The following SV2C variants were observed in gnomAD, a reference collection of about 807,000 sequenced individuals.
The protein encoded by SV2C is solute carrier family 22 member B3.
A neutral mutation model predicts 79.7 loss-of-function variants in SV2C; 49 were observed. The ratio of observed to expected loss-of-function variants is 0.61; its 90% CI spans 0.49 to 0.78. The LOEUF (loss-of-function observed/expected upper bound fraction) is 0.78, where lower values mean the gene tolerates loss of function less well. Among genes scored for constraint, SV2C ranks in the 30% least tolerant of loss-of-function variants. The pLI, the probability that SV2C is intolerant of heterozygous loss-of-function variation, is 0.00. For synonymous variants in SV2C, 334 were observed against 333.2 expected, an observed-to-expected ratio of 1.00 and a Z score of -0.03; for missense variants, 833 against 912.9, an observed-to-expected ratio of 0.91 and a Z score of 1.13.
At chr5:75,857,486 T>C in the SV2C span, among the ~76,000 whole-genome samples, 5 of 152,148 alleles carry the variant, frequency 3.3e-5, no homozygotes, top group African/African-American at 1.2e-4. Context: ...TTATATGCAA[T>C]TACCATGTTG....
At chr5:76,140,212 A>G (rs1298144298) in intron 2 of SV2C, among the ~76,000 whole-genome samples, 1 of 152,200 alleles carries the variant, frequency 6.6e-6, no homozygotes, top group African/African-American at 2.4e-5. Flanking sequence ...GAAATATAAT[A>G]GTAATAAAAC....
chr5:76,215,067 C>A (rs528837873), intron 4 of SV2C, among the ~76,000 whole-genome samples: 5 of 152,294 alleles, frequency 3.3e-5, no homozygotes, highest in Non-Finnish European at 5.9e-5. Flanking sequence ...ATAGAAATGA[C>A]AAGAGTCTTC....
intron 4 of SV2C, among the ~76,000 whole-genome samples, chr5:76,245,617 G>A (rs1337914833): frequency 6.6e-6 from 1 of 152,168 alleles, no homozygotes. Context: ...TGGATTCTAA[G>A]GCCGTGGTCC....
intron 6 of SV2C, 88 bp downstream of exon 6, chr5:76,285,958 C>T (rs1386672964): frequency 3.2e-6 from 4 of 1,237,116 alleles, no homozygotes; most frequent in African/African-American, 1.5e-5. Context: ...TTAGACTTTG[C>T]AAGTCATACG....
chr5:76,113,258 T>C (rs916253335), intron 1 of SV2C, among the ~76,000 whole-genome samples: 1 of 152,248 alleles, frequency 6.6e-6, no homozygotes, highest in Admixed American at 6.5e-5. Context: ...AGCACATTGC[T>C]CTTATCACAT....
intron 1 of SV2C, among the ~76,000 whole-genome samples, chr5:76,099,922 T>G (rs569212775): frequency 7.2e-5 from 11 of 152,206 alleles, no homozygotes; most frequent in African/African-American, 2.6e-4. Context: ...ACACTGAGAG[T>G]TGTGGTTAGA....
In SV2C at chr5:76,242,935, G is replaced by T. The variant is rs1043289010; in HGVS notation, c.913+33048G>T. On this transcript the variant is annotated intron_variant, in intron 4 of 12. Transcript: ENST00000502798. ...AGGCTGAGGCGGGAGGATCCCTTGA[G>T]CCTGGGAGTTTGAGGCCGCAGTGAG... 5.5e-5 allele frequency among the ~76,000 whole-genome samples: 8 copies of T among 145,054 alleles called. No individual in the cohort carries two copies. In the Admixed American group the frequency reaches 5.6e-4, roughly 10 times the overall value.
chr5:76,118,426 T>G (rs1408790105), intron 1 of SV2C, among the ~76,000 whole-genome samples: 1 of 152,216 alleles, frequency 6.6e-6, no homozygotes, highest in Non-Finnish European at 1.5e-5. Flanking sequence ...AGGGTATCCT[T>G]CTGGAGGTCA....
the SV2C span, among the ~76,000 whole-genome samples, chr5:75,963,726 T>G: frequency 6.6e-6 from 1 of 152,206 alleles, no homozygotes; most frequent in South Asian, 2.1e-4. Flanking sequence ...GGGAAATGAT[T>G]ATGTATTTTC....
downstream of SV2C, among the ~76,000 whole-genome samples, chr5:76,337,441 G>T (rs200769132): frequency 3.3e-5 from 5 of 152,150 alleles, no homozygotes; most frequent in Non-Finnish European, 5.9e-5. Flanking sequence ...GGCACTGCGG[G>T]GTTGGGACTT....
the SV2C span, among the ~76,000 whole-genome samples, chr5:75,942,029 A>G: frequency 1.3e-5 from 2 of 152,176 alleles, no homozygotes; most frequent in African/African-American, 4.8e-5. Flanking sequence ...GTTGTCAATC[A>G]TGTCTATCCA....
intron 4 of SV2C, among the ~76,000 whole-genome samples, chr5:76,211,098 G>A (rs1744754325): frequency 6.6e-6 from 1 of 152,074 alleles, no homozygotes; most frequent in Admixed American, 6.6e-5. Flanking sequence ...ACACACAGAA[G>A]CACCTTTACT....
At chr5:76,212,952 T>G (rs112528806) in intron 4 of SV2C, among the ~76,000 whole-genome samples, 2,487 of 152,278 alleles carry the variant, frequency 0.016, 57 homozygotes, top group African/African-American at 0.052. Flanking sequence ...AAGGGCTAAT[T>G]AATTCATATA....
intron 12 of SV2C, chr5:76,311,178 A>T (rs937211749): frequency 6.6e-6 from 1 of 152,240 alleles, no homozygotes; most frequent in African/African-American, 2.4e-5. Context: ...CTGCTCATGC[A>T]CTCACCTTGG....
intron 4 of SV2C, among the ~76,000 whole-genome samples, chr5:76,273,133 C>A (rs1479345503): frequency 6.9e-6 from 1 of 143,992 alleles, no homozygotes; most frequent in African/African-American, 2.6e-5. Flanking sequence ...GCATAAAAAT[C>A]TTTTACAAAA....
At chr5:76,232,846 G>A (rs1745470132) in intron 4 of SV2C, among the ~76,000 whole-genome samples, 1 of 143,512 alleles carries the variant, frequency 7.0e-6, no homozygotes, top group Non-Finnish European at 1.5e-5. Flanking sequence ...CTGTAGCCTT[G>A]TAGCATAGTT....
At chr5:76,087,101 CAT>C (rs1281890019) in intron 1 of SV2C, among the ~76,000 whole-genome samples, 1 of 152,148 alleles carries the variant, frequency 6.6e-6, no homozygotes, top group Non-Finnish European at 1.5e-5. Flanking sequence ...TAAATTAACT[CAT>C]GTTAAAATTT....
Position 76,285,192 on chromosome 5 carries a change from A to G in SV2C, c.944A>G (p.Gln315Arg), listed in dbSNP as rs1414612983. The G allele has an allele frequency of 6.2e-7, 1 of 1,614,160 alleles. No homozygotes were observed. The highest frequency in any genetic ancestry group is 8.5e-7 in the Non-Finnish European group (1 of 1,180,028). Reference protein sequence around the residue: ...GWSFSMGSAYQFHSWRVFVIV... With the variant: ...GWSFSMGSAYRFHSWRVFVIV... ...AGCTTCAGCATGGGATCGGCCTACC[A>G]GTTTCACAGTTGGCGTGTGTTTGTC... Residue 315 changes from glutamine to arginine, a missense_variant, in exon 5 of 13, where the codon CAG (glutamine) becomes CGG (arginine). Gln to Arg is a conservative substitution (Grantham distance 43). Transcript: ENST00000502798.
At chr5:75,988,134 C>A in the SV2C span, among the ~76,000 whole-genome samples, 1 of 151,972 alleles carries the variant, frequency 6.6e-6, no homozygotes, top group Admixed American at 6.6e-5. Flanking sequence ...CACACACACA[C>A]ATATACATTT....
Sources: allele counts gnomAD v4.1 joint callset (sites outside exome capture counted in the v4.1 genomes callset), GRCh38; gene constraint gnomAD v4.1.1; transcripts MANE v1.5; gene names NCBI Gene and HGNC (gene_info 2026-07-23, HGNC 2026-07-21).